The following KATNAL1 variants were observed in gnomAD, a reference collection of about 807,000 sequenced individuals.
KATNAL1 encodes the protein katanin p60 ATPase-containing subunit A-like 1.
A neutral mutation model predicts 55.2 loss-of-function variants in KATNAL1; 32 were observed. The observed-to-expected ratio is 0.58, with a 90% CI of 0.44 to 0.78. The LOEUF (loss-of-function observed/expected upper bound fraction) is 0.78, where lower values mean the gene tolerates loss of function less well. Ranked by LOEUF, KATNAL1 falls within the 30% of genes least tolerant of loss-of-function variation. The pLI, the probability that KATNAL1 is intolerant of heterozygous loss-of-function variation, is 0.00. For synonymous variants in KATNAL1, 193 were observed against 193.6 expected (o/e 1.00, Z 0.02); for missense variants, 466 against 600.9 (o/e 0.78, Z 2.35).
chr13:30,229,668 T>A lies in KATNAL1; in HGVS notation c.1012+800A>T, dbSNP rs536832006. 1.2e-4 allele frequency among the ~76,000 whole-genome samples: 19 copies of A among 152,288 alleles called. 1 individual carries two copies. The South Asian group carries it at 3.9e-3, about 32-fold the overall frequency. On this transcript the variant is annotated intron_variant, in intron 8 of 10. Coordinates refer to ENST00000380615, the MANE Select transcript of KATNAL1 (RefSeq NM_032116.5). ...AGGAGGTCAAGGCTGCAGTGAGCTGTGTTCACACCACTGTACTCCAGCCTG... is the reference window on the plus strand; with the variant it reads ...AGGAGGTCAAGGCTGCAGTGAGCTGAGTTCACACCACTGTACTCCAGCCTG...
chr13:30,278,286 A>AC (rs900006598), intron 3 of KATNAL1, among the ~76,000 whole-genome samples: 5 of 152,112 alleles, frequency 3.3e-5, no homozygotes, highest in African/African-American at 7.2e-5. Flanking sequence ...GGAAAAAAAA[A>AC]ACACACATAC....
chr13:30,283,263 T>C (rs73163487), intron 2 of KATNAL1, among the ~76,000 whole-genome samples: 56,634 of 93,884 alleles, frequency 0.6, 16,076 homozygotes, highest in African/African-American at 0.78. Context: ...CAAGACTCTG[T>C]CTCAAAAAAA....
intron 1 of KATNAL1, among the ~76,000 whole-genome samples, chr13:30,295,016 C>T (rs1043285869): frequency 7.9e-5 from 12 of 152,184 alleles, no homozygotes; most frequent in Admixed American, 7.2e-4. Context: ...AATATTGCCA[C>T]TCACTGACAA....
intron 3 of KATNAL1, among the ~76,000 whole-genome samples, chr13:30,259,200 C>T (rs1009927653): frequency 9.9e-5 from 15 of 152,114 alleles, no homozygotes; most frequent in Non-Finnish European, 4.4e-5. Flanking sequence ...ATCAGCTGTA[C>T]ATGGCGGTGG....
At chr13:30,240,378 C>A (rs11843164) in intron 6 of KATNAL1, 82 bp downstream of exon 6, 2 of 960,210 alleles carry the variant, frequency 2.1e-6, no homozygotes, top group Non-Finnish European at 3.3e-6. Flanking sequence ...GGGTTAAATA[C>A]ATCAAAAACT....
intron 1 of KATNAL1, among the ~76,000 whole-genome samples, chr13:30,295,780 G>T (rs1045937324): frequency 7.9e-5 from 12 of 152,192 alleles, no homozygotes; most frequent in African/African-American, 2.7e-4. Context: ...GGTTTGGAGA[G>T]GATTGACTCC....
chr13:30,276,455 C>T (rs753655929), intron 3 of KATNAL1, among the ~76,000 whole-genome samples: 2 of 148,154 alleles, frequency 1.3e-5, no homozygotes, highest in Non-Finnish European at 3.0e-5. Context: ...ATGCCAATCA[C>T]ATCAGAAGCA....
chr13:30,219,904 A>G (rs887476335), intron 9 of KATNAL1, among the ~76,000 whole-genome samples: 1 of 152,230 alleles, frequency 6.6e-6, no homozygotes, highest in Non-Finnish European at 1.5e-5. Context: ...AATATAAAGT[A>G]TGTCTTTCCC....
chr13:30,283,844 C>A, intron 1 of KATNAL1, 53 bp from the exon 2 acceptor site: 121 of 1,073,940 alleles, frequency 1.1e-4, no homozygotes, highest in Non-Finnish European at 1.4e-4. Context: ...GACTTTAAAA[C>A]ATTTATTATT....
At position 30,270,312 on chromosome 13, in the gene KATNAL1, C is replaced by T. The variant is rs1244907993; in HGVS notation, c.323+9751G>A. On this transcript the variant is annotated intron_variant, in intron 3 of 10. Coordinates refer to ENST00000380615, the MANE Select transcript of KATNAL1 (RefSeq NM_032116.5). ...CAGGAGGGAGGTGGGGGGTCAGCCC[C>T]CCGCCCGGCCAGCCGCCCCACCCGG... is the stretch of plus-strand genomic sequence containing the variant. Among the ~76,000 whole-genome samples, 12 of 151,180 alleles carry T rather than the reference C, an allele frequency of 7.9e-5. No homozygotes were observed. The South Asian group carries it at 2.1e-3, about 26-fold the overall frequency.
chr13:30,258,607 C>T (rs971125874), intron 3 of KATNAL1, among the ~76,000 whole-genome samples: 1 of 152,142 alleles, frequency 6.6e-6, no homozygotes, highest in Non-Finnish European at 1.5e-5. Flanking sequence ...GCTTTAGTGG[C>T]CAGTTTAATA....
chr13:30,231,273 C>T (rs1317639251), intron 7 of KATNAL1, 41 bp downstream of exon 7: 1 of 1,551,664 alleles, frequency 6.4e-7, no homozygotes, highest in African/African-American at 1.4e-5. Flanking sequence ...CATCATAGGC[C>T]TACACACACT....
At chr13:30,283,812 C>T in intron 1 of KATNAL1, 21 bp from the exon 2 acceptor site, 1 of 1,529,132 alleles carries the variant, frequency 6.5e-7, no homozygotes, top group Non-Finnish European at 8.8e-7. Context: ...AATATAATGA[C>T]TTTTTAAAAA....
chr13:30,236,100 T>C (rs1876649779), intron 6 of KATNAL1, among the ~76,000 whole-genome samples: 1 of 152,150 alleles, frequency 6.6e-6, no homozygotes, highest in African/African-American at 2.4e-5. Flanking sequence ...TTGTTGTCTC[T>C]GGGGCAGCAG....
chr13:30,279,781 C>T (rs1428892078), intron 3 of KATNAL1, among the ~76,000 whole-genome samples: 3 of 152,098 alleles, frequency 2.0e-5, no homozygotes, highest in Non-Finnish European at 4.4e-5. Flanking sequence ...GCTGCCATTA[C>T]GAAACCCAAA....
At chr13:30,237,980 T>C (rs1876857906) in intron 6 of KATNAL1, among the ~76,000 whole-genome samples, 1 of 152,222 alleles carries the variant, frequency 6.6e-6, no homozygotes, top group Non-Finnish European at 1.5e-5. Context: ...TAATTCATAA[T>C]CACCATCCCA....
intron 9 of KATNAL1, among the ~76,000 whole-genome samples, chr13:30,220,184 GGCACAGTGGCTTAT>G (rs1432695044): frequency 6.6e-6 from 1 of 152,064 alleles, no homozygotes; most frequent in African/African-American, 2.4e-5. Flanking sequence ...ACATGGGCTG[GGCACAGTGGCTTAT>G]GCTTGTAATC....
intron 3 of KATNAL1, among the ~76,000 whole-genome samples, chr13:30,267,844 A>T (rs1313246982): frequency 6.6e-6 from 1 of 152,206 alleles, no homozygotes; most frequent in African/African-American, 2.4e-5. Context: ...TGGGCCTCAG[A>T]CATCCGAGGG....
At position 30,218,417 on chromosome 13, in the gene KATNAL1, A is replaced by G. The variant is rs192698950; in HGVS notation, c.1148-7975T>C. On this transcript the variant is annotated intron_variant, in intron 9 of 10. Coordinates refer to ENST00000380615, the MANE Select transcript of KATNAL1 (RefSeq NM_032116.5). ...AGATGCTTAAAATGAAAAGAGCCTT[A>G]AGGTAAGAACATTAGAACTCACTTG... Among the ~76,000 whole-genome samples the G allele has an allele frequency of 2.0e-5, 3 of 152,210 alleles. No homozygotes were observed. In the East Asian group the frequency reaches 5.8e-4, roughly 29 times the overall value.
Sources: gnomAD v4.1 joint callset for allele counts (sites outside exome capture counted in the v4.1 genomes callset) on GRCh38, gnomAD v4.1.1 for gene constraint, MANE v1.5 for transcripts, NCBI Gene and HGNC (gene_info 2026-07-23, HGNC 2026-07-21) for gene names.